Variants in RIPOR3 observed in about 807,000 individuals in gnomAD.
RIPOR3 encodes the protein RIPOR family member 3.
A neutral mutation model predicts 114.3 loss-of-function variants in RIPOR3; 95 were observed. The ratio of observed to expected loss-of-function variants is 0.83; its 90% CI spans 0.70 to 0.99. RIPOR3 has a LOEUF of 0.99. RIPOR3 is among the 50% of genes least tolerant of loss of function. The probability of loss-of-function intolerance (pLI) is 0.00; values close to 1 mark genes in which losing one functional copy is unlikely to be tolerated. For synonymous variants in RIPOR3, 575 were observed against 543.8 expected (o/e 1.06, Z -0.80); for missense variants, 1,252 against 1,266.9 (o/e 0.99, Z 0.18).
intron 2 of RIPOR3, among the ~76,000 whole-genome samples, chr20:50,626,429 G>A (rs2084621667): frequency 1.3e-5 from 2 of 152,246 alleles, no homozygotes; most frequent in East Asian, 1.9e-4. Context: ...GACACTGTGG[G>A]ACCCTTGCTG....
At chr20:50,689,386 G>A (rs1003617994) in intron 1 of RIPOR3, among the ~76,000 whole-genome samples, 2 of 152,078 alleles carry the variant, frequency 1.3e-5, no homozygotes, top group African/African-American at 2.4e-5. Flanking sequence ...ATGTTGGCCA[G>A]GCTAGTCTCA....
At chr20:50,639,742 G>A (rs1473227296) in intron 1 of RIPOR3, among the ~76,000 whole-genome samples, 6 of 152,192 alleles carry the variant, frequency 3.9e-5, no homozygotes, top group African/African-American at 1.4e-4. Flanking sequence ...TATAGGCAGT[G>A]TGGTGCAGGT....
chr20:50,628,734 G>C (rs1224791651), intron 2 of RIPOR3, among the ~76,000 whole-genome samples: 1 of 152,194 alleles, frequency 6.6e-6, no homozygotes, highest in African/African-American at 2.4e-5. Flanking sequence ...CAGAGCCCAG[G>C]ACAGGGCCAG....
chr20:50,681,755 G>C (rs1466571536), intron 1 of RIPOR3, among the ~76,000 whole-genome samples: 4 of 152,214 alleles, frequency 2.6e-5, no homozygotes, highest in African/African-American at 7.2e-5. Context: ...AGGTGGAGGG[G>C]AGGAAGGAAA....
Position 50,691,394 on chromosome 20 carries a change from T to C in RIPOR3, c.-266A>G. 2 of 347,356 alleles carry C rather than the reference T, an allele frequency of 5.8e-6. No homozygotes were observed. Among genetic ancestry groups the C allele is most frequent in the South Asian group, 4.5e-5 (2 of 44,508 alleles). The allele number at this position is 347,356 out of a possible 1,614,324, so 21.5% of individuals were successfully genotyped here. ...CGGGCTCTGATAATGCAGCCGGGAC[T>C]CTTATCTGGCCTGTGTCAGGGTGCA... is the stretch of plus-strand genomic sequence containing the variant. On this transcript the variant is annotated 5_prime_UTR_variant, in exon 1 of 22. Coordinates refer to ENST00000327979, the MANE Select transcript of RIPOR3 (RefSeq NM_001290268.2).
At chr20:50,590,378 G>C (rs781782022) in intron 19 of RIPOR3, among the ~76,000 whole-genome samples, 1 of 152,248 alleles carries the variant, frequency 6.6e-6, no homozygotes, top group Non-Finnish European at 1.5e-5. Context: ...GGAGTCCAGC[G>C]TCTGCGGCTG....
In RIPOR3 at chr20:50,666,181, CCATTT is replaced by C. The variant is rs1322242275; in HGVS notation, c.3+24940_3+24944del. On this transcript the variant is annotated intron_variant, in intron 1 of 21. Transcript: ENST00000327979. ...GGCCTAGAATACAGAGAAAGGACAC[CCATTT>C]CTTTTCTTTTCTTTTCTTTTCTTTT... 4.7e-4 allele frequency among the ~76,000 whole-genome samples: 7 copies of C among 14,960 alleles called. 1 individual carries two copies. The highest frequency in any genetic ancestry group is 6.4e-3 in the South Asian group (1 of 156). The allele number at this position is 14,960 out of a possible 152,430, so 9.8% of individuals were successfully genotyped here.
At chr20:50,624,962 A>C (rs902907230) in intron 2 of RIPOR3, among the ~76,000 whole-genome samples, 3 of 152,216 alleles carry the variant, frequency 2.0e-5, no homozygotes, top group Non-Finnish European at 4.4e-5. Flanking sequence ...TGCAACAAGG[A>C]CGTGAGCCAA....
rs74824698 is a variant in RIPOR3, at chr20:50,688,985, G to A, written c.3+2141C>T. Among the ~76,000 whole-genome samples, 372 of 152,054 alleles carry A rather than the reference G, an allele frequency of 2.4e-3. 1 individual carries two copies. The highest frequency in any genetic ancestry group is 3.9e-3 in the Non-Finnish European group (264 of 67,986). ...ACGCTGAGCCACAAAATCATGATAC[G>A]CTTTCAACAACCCATTAGGCACCTC... On this transcript the variant is annotated intron_variant, in intron 1 of 21. Transcript: ENST00000327979.
chr20:50,596,572 A>G (rs2083298662), intron 14 of RIPOR3, among the ~76,000 whole-genome samples: 1 of 152,204 alleles, frequency 6.6e-6, no homozygotes, highest in African/African-American at 2.4e-5. Context: ...CCCAAGGCTC[A>G]GGTGACTCAT....
At chr20:50,634,534 A>T (rs2084921261) in intron 1 of RIPOR3, among the ~76,000 whole-genome samples, 1 of 152,148 alleles carries the variant, frequency 6.6e-6, no homozygotes, top group Admixed American at 6.6e-5. Flanking sequence ...AGCTCCCTGC[A>T]GGCAGGGACC....
Position 50,604,909 on chromosome 20 carries a change from A to C in RIPOR3, c.957-135T>G, listed in dbSNP as rs2083649476. On this transcript the variant is annotated intron_variant, in intron 11 of 21. Transcript: ENST00000327979. ...AATACAATAGCATGGATGGTGTGTG[A>C]GGAGCTCTGCTCTAAACTGTTGCTT... is the stretch of plus-strand genomic sequence containing the variant. The C allele has an allele frequency of 5.3e-6, 6 of 1,122,918 alleles. No individual in the cohort carries two copies. The Admixed American group carries it at 1.5e-4, about 29-fold the overall frequency. The allele number at this position is 1,122,918 out of a possible 1,614,324, so 69.6% of individuals were successfully genotyped here.
In RIPOR3 at chr20:50,597,679, G is replaced by A. The variant is rs755793993; in HGVS notation, c.1691C>T (p.Ala564Val). ...PCRARQEHTS[A>V]ESLMECILES... ...CAGGATGCACTCCATCAGGCTCTCG[G>A]CCGAGGTGTGCTCCTGCCGTGCTCT... Residue 564 changes from alanine (A) to valine (V), a missense_variant, in exon 14 of 22, where the codon GCC becomes GTC. Transcript: ENST00000327979. The A allele has an allele frequency of 1.1e-5, 18 of 1,611,782 alleles. No individual in the cohort carries two copies. Among genetic ancestry groups the A allele is most frequent in the Non-Finnish European group, 1.4e-5 (16 of 1,179,168 alleles).
At chr20:50,595,047 G>A (rs2083241122) in intron 16 of RIPOR3, 1 of 484,084 alleles carries the variant, frequency 2.1e-6, no homozygotes, top group African/African-American at 1.9e-5. Flanking sequence ...GGCACATTCT[G>A]CACCTTGAAT....
intron 1 of RIPOR3, among the ~76,000 whole-genome samples, chr20:50,680,856 C>T (rs1218951240): frequency 1.3e-5 from 2 of 152,224 alleles, no homozygotes; most frequent in African/African-American, 4.8e-5. Context: ...ACCCCCTCAA[C>T]TCCAGAGATG....
chr20:50,635,520 G>T (rs189600238), intron 1 of RIPOR3, among the ~76,000 whole-genome samples: 47 of 152,242 alleles, frequency 3.1e-4, no homozygotes, highest in Non-Finnish European at 3.4e-4. Flanking sequence ...CAGATGTGGT[G>T]GCGTGCACCT....
intron 1 of RIPOR3, among the ~76,000 whole-genome samples, chr20:50,676,471 G>C (rs1272061375): frequency 6.6e-6 from 1 of 152,096 alleles, no homozygotes; most frequent in African/African-American, 2.4e-5. Context: ...GGGCAACATA[G>C]AGAGACCCCG....
chr20:50,678,434 C>T (rs2123585932), intron 1 of RIPOR3, among the ~76,000 whole-genome samples: 1 of 152,296 alleles, frequency 6.6e-6, no homozygotes, highest in East Asian at 1.9e-4. Flanking sequence ...GTTTGCATGC[C>T]AGGCCAGAGT....
In RIPOR3 at chr20:50,616,014, C is replaced by G. The variant is rs766658863; in HGVS notation, c.336G>C (p.Arg112Ser). The G allele has an allele frequency of 6.2e-7, 1 of 1,608,866 alleles. No individual in the cohort carries two copies. Among genetic ancestry groups the G allele is most frequent in the South Asian group, 1.1e-5 (1 of 89,476 alleles). The change falls in exon 4 of 22, where the codon AGG (arginine) becomes AGC (serine). Residue 112 changes from arginine to serine, a missense_variant. Physicochemically the swap from Arg to Ser is moderately radical, Grantham distance 110. Transcript: ENST00000327979. ...GGAGGGGTCTCACCAGCCTGGAATT[C>G]CTCCTGGTGTCTTTGTGGCGTCCAG... ...HLSGRHKDTR[R>S]NSRLAFYYDL... is the part of the protein sequence containing the mutation.
Sources: gnomAD v4.1 joint callset for allele counts (sites outside exome capture counted in the v4.1 genomes callset) on GRCh38, gnomAD v4.1.1 for gene constraint, MANE v1.5 for transcripts, NCBI Gene and HGNC (gene_info 2026-07-23, HGNC 2026-07-21) for gene names.